Variants in DOCK9 observed in about 807,000 individuals in gnomAD.
DOCK9 encodes the protein dedicator of cytokinesis protein 9.
DOCK9 carries 89 observed loss-of-function variants against 263.3 expected under a neutral mutation model. The observed-to-expected ratio is 0.34, with a 90% CI of 0.28 to 0.40. The LOEUF is 0.40. Ranked by LOEUF, DOCK9 falls within the 10% of genes least tolerant of loss-of-function variation. The probability of loss-of-function intolerance (pLI) is 1.00; values close to 1 mark genes in which losing one functional copy is unlikely to be tolerated. For missense variants in DOCK9, 2,140 were observed against 2,603.4 expected (o/e 0.82, Z 3.87); for synonymous variants, 976 against 973.1 (o/e 1.00, Z -0.06).
At chr13:99,064,912 T>A (rs939174780) in intron 1 of DOCK9, among the ~76,000 whole-genome samples, 1 of 152,134 alleles carries the variant, frequency 6.6e-6, no homozygotes, top group South Asian at 2.1e-4. Flanking sequence ...CCTCTGCTGG[T>A]GGTTTATAAG....
chr13:99,050,397 C>T (rs891252807), intron 1 of DOCK9, among the ~76,000 whole-genome samples: 12 of 152,164 alleles, frequency 7.9e-5, no homozygotes, highest in African/African-American at 2.7e-4. Flanking sequence ...ATTCTCCCAT[C>T]CAATCAACAT....
At chr13:99,017,559 A>T (rs1408216255) in intron 1 of DOCK9, among the ~76,000 whole-genome samples, 1 of 152,178 alleles carries the variant, frequency 6.6e-6, no homozygotes, top group Non-Finnish European at 1.5e-5. Context: ...AGAAATAACC[A>T]AGCAAATTGG....
intron 1 of DOCK9, among the ~76,000 whole-genome samples, chr13:98,999,438 G>C (rs1195238241): frequency 6.6e-6 from 1 of 152,042 alleles, no homozygotes; most frequent in African/African-American, 2.4e-5. Flanking sequence ...CTAATAGAAG[G>C]ATTTCTTGAA....
intron 27 of DOCK9, among the ~76,000 whole-genome samples, chr13:98,870,575 A>C (rs2094158966): frequency 6.6e-6 from 1 of 152,206 alleles, no homozygotes; most frequent in Non-Finnish European, 1.5e-5. Context: ...TGCTAAAACC[A>C]GGAAAAGTAG....
At chr13:98,853,325 ATCATT>A in intron 35 of DOCK9, 78 bp downstream of exon 35, 1 of 815,436 alleles carries the variant, frequency 1.2e-6, no homozygotes, top group Non-Finnish European at 2.0e-6. Context: ...AAATCTTTGT[ATCATT>A]TCAACTTATT....
chr13:98,903,665 C>A (rs1172495004), intron 10 of DOCK9, among the ~76,000 whole-genome samples: 1 of 144,616 alleles, frequency 6.9e-6, no homozygotes, highest in African/African-American at 2.5e-5. Context: ...AATGGATGAA[C>A]TGAAAAAATA....
chr13:98,931,253 G>A (rs1786964105), intron 2 of DOCK9, among the ~76,000 whole-genome samples: 2 of 151,424 alleles, frequency 1.3e-5, no homozygotes, highest in African/African-American at 4.9e-5. Flanking sequence ...TCAATAACTA[G>A]GCTTAAGGTT....
intron 1 of DOCK9, among the ~76,000 whole-genome samples, chr13:99,067,058 C>T (rs949567878): frequency 5.9e-5 from 9 of 152,192 alleles, no homozygotes; most frequent in African/African-American, 2.2e-4. Context: ...ACTCCATCTG[C>T]ACCGGTCACA....
intron 1 of DOCK9, among the ~76,000 whole-genome samples, chr13:99,043,639 A>G (rs771277028): frequency 2.0e-5 from 3 of 152,152 alleles, no homozygotes; most frequent in Non-Finnish European, 2.9e-5. Context: ...TGCAGCTGCC[A>G]AGGCTATCTA....
At chr13:99,020,069 T>C (rs1402929455) in intron 1 of DOCK9, among the ~76,000 whole-genome samples, 2 of 152,108 alleles carry the variant, frequency 1.3e-5, no homozygotes, top group Middle Eastern at 6.3e-3. Flanking sequence ...ACCACTGCAC[T>C]TCAGCCTAGG....
intron 2 of DOCK9, among the ~76,000 whole-genome samples, 172 bp downstream of exon 2, chr13:98,955,263 G>A (rs9517509): frequency 0.41 from 62,544 of 151,960 alleles, 13,168 homozygotes; most frequent in East Asian, 0.56. Context: ...GGTTGCCGTT[G>A]AGCCAAGATG....
At chr13:99,005,573 T>C (rs1595885951) in intron 1 of DOCK9, among the ~76,000 whole-genome samples, 1 of 152,122 alleles carries the variant, frequency 6.6e-6, no homozygotes, top group African/African-American at 2.4e-5. Context: ...CACAAACCAC[T>C]GAGTAAGGAA....
chr13:99,028,417 A>G (rs1232333992), intron 1 of DOCK9, among the ~76,000 whole-genome samples: 3 of 152,202 alleles, frequency 2.0e-5, no homozygotes, highest in Non-Finnish European at 4.4e-5. Context: ...GAGAATTCAG[A>G]CCTTCAGGTA....
intron 1 of DOCK9, among the ~76,000 whole-genome samples, chr13:99,005,791 A>C (rs1883233618): frequency 6.6e-6 from 1 of 152,162 alleles, no homozygotes; most frequent in African/African-American, 2.4e-5. Flanking sequence ...TGTCCTAATG[A>C]CTCAACTCTA....
chr13:98,798,683 T>G (rs1226619463), intron 50 of DOCK9, among the ~76,000 whole-genome samples: 4 of 152,238 alleles, frequency 2.6e-5, no homozygotes. Context: ...CCAGTAAAGC[T>G]GCAGCGCCAG....
chr13:99,068,468 C>T (rs2041524812), intron 1 of DOCK9, among the ~76,000 whole-genome samples: 1 of 152,056 alleles, frequency 6.6e-6, no homozygotes. Context: ...GCCTGTAATC[C>T]CAGGTACTGG....
At chr13:98,874,698 A>AAATGTCTG (rs1234343418) in intron 27 of DOCK9, among the ~76,000 whole-genome samples, 2 of 152,218 alleles carry the variant, frequency 1.3e-5, no homozygotes, top group Non-Finnish European at 2.9e-5. Context: ...TCAAAATTTA[A>AAATGTCTG]AATGTCTGGT....
intron 38 of DOCK9, 142 bp downstream of exon 38, chr13:98,845,782 T>C (rs1442680457): frequency 1.8e-6 from 2 of 1,113,524 alleles, no homozygotes; most frequent in African/African-American, 1.6e-5. Flanking sequence ...GGAAGGGAAC[T>C]GTGCCATGAG....
chr13:99,050,330 T>C (rs1038673651), intron 1 of DOCK9, among the ~76,000 whole-genome samples: 1 of 152,078 alleles, frequency 6.6e-6, no homozygotes, highest in Non-Finnish European at 1.5e-5. Context: ...AATGGAAATA[T>C]CCGAGACAGC....
Sources: allele counts gnomAD v4.1 joint callset (sites outside exome capture counted in the v4.1 genomes callset), GRCh38; gene constraint gnomAD v4.1.1; transcripts MANE v1.5; gene names NCBI Gene and HGNC (gene_info 2026-07-23, HGNC 2026-07-21).